The following ZNF254 variants were observed in gnomAD, a reference collection of about 807,000 sequenced individuals.
ZNF254 encodes CTD-2017D11.1.
ZNF254 carries 10 observed loss-of-function variants against 12.4 expected under a neutral mutation model. That is an observed-to-expected ratio of 0.80 (90% confidence interval 0.50 to 1.36). The LOEUF is 1.36. Among genes scored for constraint, ZNF254 ranks in the 40% most tolerant of loss-of-function variants. The pLI is 0.00. For synonymous variants in ZNF254, 305 were observed against 253.4 expected (o/e 1.20, Z -1.93); for missense variants, 996 against 763.9 (o/e 1.30, Z -3.58).
intron 2 of ZNF254, among the ~76,000 whole-genome samples, chr19:24,074,343 A>G (rs986924946): frequency 2.0e-5 from 3 of 152,190 alleles, no homozygotes; most frequent in Admixed American, 6.5e-5. Flanking sequence ...AGATTGTGAC[A>G]TACTGCTGGG....
intron 1 of ZNF254, 93 bp downstream of exon 1, chr19:24,087,430 T>G: frequency 6.5e-7 from 1 of 1,528,938 alleles, no homozygotes; most frequent in Non-Finnish European, 9.0e-7. Flanking sequence ...CTCCCCCCAG[T>G]CAGCTCCACA....
At chr19:24,082,505 C>T (rs1349844819), upstream of ZNF254, among the ~76,000 whole-genome samples, 1 of 121,020 alleles carries the variant, frequency 8.3e-6, no homozygotes, top group Non-Finnish European at 1.7e-5. Flanking sequence ...AAAAAATTAG[C>T]CAGGCGTGGT....
chr19:24,076,970 C>T, intron 2 of ZNF254, among the ~76,000 whole-genome samples: 1 of 152,112 alleles, frequency 6.6e-6, no homozygotes, highest in East Asian at 1.9e-4. Context: ...ACAATTTGCT[C>T]AGAAGGAAAT....
intron 2 of ZNF254, among the ~76,000 whole-genome samples, chr19:24,047,466 G>T (rs1298501975): frequency 6.6e-6 from 1 of 151,454 alleles, no homozygotes; most frequent in African/African-American, 2.4e-5. Context: ...ACGAGGCCTC[G>T]CTATGTTCCC....
Position 24,129,565 on chromosome 19 carries a change from C to G in ZNF254, c.*1585C>G, listed in dbSNP as rs966461627. 2.0e-5 allele frequency: 3 copies of G among 151,528 alleles called. No individual in the cohort carries two copies. Among genetic ancestry groups the G allele is most frequent in the Non-Finnish European group, 4.4e-5 (3 of 67,794 alleles). The allele number at this position is 151,528 out of a possible 1,614,324, so 9.4% of individuals were successfully genotyped here. On this transcript the variant is annotated 3_prime_UTR_variant, in exon 4 of 4. Transcript: ENST00000357002. ...TATTTTCACATTTAAATTTATTTTT[C>G]TTAATTTTTGTGGATACATAATATG... is the stretch of plus-strand genomic sequence containing the variant.
rs370502655 is a variant in ZNF254 at position 24,126,908 on chromosome 19, T to A, written c.908T>A (p.Phe303Tyr). The change falls in exon 4 of 4, where the codon TTT becomes TAT. Residue 303 changes from phenylalanine to tyrosine, a missense_variant. Transcript: ENST00000357002. ...AAGTGTGAAGAATGTGGCAAAGCAT[T>A]TATCTGGTCCTCAACCCTTACTGAG... ...PYKCEECGKA[F>Y]IWSSTLTEHK... is the part of the protein sequence containing the mutation. 6 of 1,613,438 alleles carry A rather than the reference T, an allele frequency of 3.7e-6. No homozygotes were observed. Among genetic ancestry groups the A allele is most frequent in the Non-Finnish European group, 5.1e-6 (6 of 1,179,788 alleles).
At chr19:24,078,701 C>T (rs1971745589) in intron 2 of ZNF254, 1 of 152,170 alleles carries the variant, frequency 6.6e-6, no homozygotes, top group Non-Finnish European at 1.5e-5. Context: ...AACTAATCAA[C>T]AGCAGGGCCT....
intron 1 of ZNF254, among the ~76,000 whole-genome samples, chr19:24,035,235 C>A (rs1321104252): frequency 6.6e-6 from 1 of 152,148 alleles, no homozygotes; most frequent in Non-Finnish European, 1.5e-5. Flanking sequence ...GTGATCTCCG[C>A]TCACTGCAGC....
chr19:24,046,039 C>T (rs1287644950), intron 1 of ZNF254: 4 of 148,718 alleles, frequency 2.7e-5, no homozygotes, highest in Admixed American at 2.7e-4. Flanking sequence ...CCTACATATT[C>T]TAAAGAAGCT....
intron 1 of ZNF254, among the ~76,000 whole-genome samples, chr19:24,097,782 AAAAATAAAAT>A (rs141594384): frequency 0.11 from 15,323 of 144,016 alleles, 1,256 homozygotes; most frequent in African/African-American, 0.22. Flanking sequence ...ACTCTATCTC[AAAAATAAAAT>A]AAAATAAAAT....
At chr19:24,059,822 T>C (rs1377186665) in intron 2 of ZNF254, among the ~76,000 whole-genome samples, 1 of 152,162 alleles carries the variant, frequency 6.6e-6, no homozygotes, top group Non-Finnish European at 1.5e-5. Context: ...CTTGCCTTTA[T>C]TGCCAGGGCA....
intron 1 of ZNF254, among the ~76,000 whole-genome samples, chr19:24,042,377 C>G (rs370779931): frequency 6.6e-6 from 1 of 152,196 alleles, no homozygotes; most frequent in Non-Finnish European, 1.5e-5. Context: ...CTGCCCGAGC[C>G]AGCATTGGCA....
At chr19:24,077,454 A>G (rs1205094517) in intron 2 of ZNF254, among the ~76,000 whole-genome samples, 1 of 152,152 alleles carries the variant, frequency 6.6e-6, no homozygotes, top group Non-Finnish European at 1.5e-5. Context: ...TGCACCCCAG[A>G]CTTATCCACC....
At chr19:24,108,720 T>C (rs1221193360) in intron 3 of ZNF254, among the ~76,000 whole-genome samples, 1 of 152,186 alleles carries the variant, frequency 6.6e-6, no homozygotes, top group Non-Finnish European at 1.5e-5. Context: ...TTTATCTTAT[T>C]AATGCCACTC....
intron 2 of ZNF254, chr19:24,063,947 T>C (rs1317763663): frequency 1.3e-5 from 2 of 152,128 alleles, no homozygotes; most frequent in African/African-American, 4.8e-5. Flanking sequence ...CTGAGGTAAA[T>C]GCCCGTTTTA....
rs545116455 is a variant in ZNF254, at chr19:24,057,252, G to A, written c.-94+10973G>A. Among the ~76,000 whole-genome samples the A allele has an allele frequency of 1.3e-4, 20 of 152,318 alleles. No homozygotes were observed. In the South Asian group the frequency reaches 4.1e-3, roughly 32 times the overall value. On this transcript the variant is annotated intron_variant, in intron 2 of 4. Coordinates refer to the ZNF254 transcript ENST00000613065. The stretch of plus-strand genomic sequence containing the variant: ...TCATCCATGGACAAAGCCTACTGGA[G>A]AGGTCTTAAATCTTACATGTGGATG...
At chr19:24,105,385 G>A in intron 1 of ZNF254, 1 of 240,896 alleles carries the variant, frequency 4.2e-6, no homozygotes, top group Non-Finnish European at 8.0e-6. Flanking sequence ...AAAAACAACA[G>A]GCTCTTCCAC....
At chr19:24,054,527 G>T (rs761867078) in intron 2 of ZNF254, among the ~76,000 whole-genome samples, 6 of 152,114 alleles carry the variant, frequency 3.9e-5, no homozygotes, top group Non-Finnish European at 5.9e-5. Flanking sequence ...TGTTACAAAC[G>T]TGTTATCCCA....
intron 1 of ZNF254, among the ~76,000 whole-genome samples, chr19:24,089,046 G>A (rs183367610): frequency 7.0e-6 from 1 of 143,262 alleles, no homozygotes; most frequent in African/African-American, 2.7e-5. Flanking sequence ...GCACGATCTC[G>A]GCTCACCGCA....
Sources: gnomAD v4.1 joint callset for allele counts (sites outside exome capture counted in the v4.1 genomes callset) on GRCh38, gnomAD v4.1.1 for gene constraint, MANE v1.5 for transcripts, NCBI Gene and HGNC (gene_info 2026-07-23, HGNC 2026-07-21) for gene names.